DGAT2: variants seen among roughly 807,000 people sequenced by gnomAD.
DGAT2 encodes acyl-CoA retinol O-fatty-acyltransferase.
Under a neutral mutation model 48.4 loss-of-function variants are expected in DGAT2, and 33 were observed. That is an observed-to-expected ratio of 0.68 (90% CI 0.52 to 0.91). The LOEUF is 0.91. Ranked by LOEUF, DGAT2 falls within the 40% of genes least tolerant of loss-of-function variation. The pLI is 0.00. For synonymous variants in DGAT2, 191 were observed against 194.1 expected, an observed-to-expected ratio of 0.98 and a Z score of 0.13; for missense variants, 446 against 493.7, an observed-to-expected ratio of 0.90 and a Z score of 0.92.
At chr11:75,773,014 GA>G (rs1302367595) in intron 1 of DGAT2, among the ~76,000 whole-genome samples, 1 of 152,094 alleles carries the variant, frequency 6.6e-6, no homozygotes, top group East Asian at 1.9e-4. Flanking sequence ...AGAACAAACA[GA>G]AAAAGAATAT....
chr11:75,782,073 A>G (rs554114312), intron 1 of DGAT2, among the ~76,000 whole-genome samples: 1 of 152,050 alleles, frequency 6.6e-6, no homozygotes, highest in Non-Finnish European at 1.5e-5. Flanking sequence ...CCTCTTCCCT[A>G]CGCACCCCTC....
intron 2 of DGAT2, among the ~76,000 whole-genome samples, chr11:75,788,437 A>G (rs1944946363): frequency 6.6e-6 from 1 of 152,194 alleles, no homozygotes; most frequent in Admixed American, 6.5e-5. Flanking sequence ...CTGGTCCTGA[A>G]AAATTGGACA....
chr11:75,770,015 A>G (rs1944741799), intron 1 of DGAT2, among the ~76,000 whole-genome samples: 1 of 152,228 alleles, frequency 6.6e-6, no homozygotes, highest in African/African-American at 2.4e-5. Flanking sequence ...CTTGCTAATT[A>G]TGGAATTTTT....
chr11:75,790,378 T>C, intron 3 of DGAT2, 83 bp downstream of exon 3: 1 of 1,217,196 alleles, frequency 8.2e-7, no homozygotes, highest in Non-Finnish European at 1.2e-6. Context: ...TCATCCTGAG[T>C]GCTGTTTCTT....
intron 4 of DGAT2, chr11:75,792,522 T>C (rs1425440096): frequency 6.6e-6 from 1 of 151,672 alleles, no homozygotes; most frequent in Non-Finnish European, 1.5e-5. Flanking sequence ...CTCTTGCCAG[T>C]AATCATGTAA....
chr11:75,790,571 A>G, intron 3 of DGAT2, 90 bp from the exon 4 acceptor site: 2 of 1,220,690 alleles, frequency 1.6e-6, no homozygotes, highest in East Asian at 2.3e-5. Flanking sequence ...GGTGATGGTC[A>G]CCTGCTTGGG....
At chr11:75,769,715 G>A (rs949009093) in intron 1 of DGAT2, among the ~76,000 whole-genome samples, 2 of 152,082 alleles carry the variant, frequency 1.3e-5, no homozygotes, top group African/African-American at 2.4e-5. Flanking sequence ...CCCAAGCGAG[G>A]AATAGCAACT....
intron 4 of DGAT2, chr11:75,796,104 T>A: frequency 1.8e-6 from 1 of 568,122 alleles, no homozygotes; most frequent in South Asian, 2.0e-5. Context: ...AGGGCAAACA[T>A]TGCCCACCCC....
chr11:75,775,045 A>G lies in DGAT2; in HGVS notation c.121+5933A>G, dbSNP rs190822565. Among the ~76,000 whole-genome samples the G allele has an allele frequency of 1.0e-3, 152 of 152,294 alleles. 1 individual carries two copies. The highest frequency in any genetic ancestry group is 3.5e-3 in the African/African-American group (144 of 41,554). Reference sequence around the variant, plus strand: ...TGAAAGTTCTACTTGATGAAAACGGAATACACAAAAACCCAGGTGTATGGA... The same window carrying G: ...TGAAAGTTCTACTTGATGAAAACGGGATACACAAAAACCCAGGTGTATGGA... On this transcript the variant is annotated intron_variant, in intron 1 of 7. Transcript: ENST00000228027.
intron 2 of DGAT2, among the ~76,000 whole-genome samples, chr11:75,787,948 G>T (rs1376895932): frequency 1.3e-5 from 2 of 152,190 alleles, no homozygotes; most frequent in Non-Finnish European, 2.9e-5. Context: ...ACCCCATCAG[G>T]CCTCTTCTTC....
intron 1 of DGAT2, among the ~76,000 whole-genome samples, chr11:75,775,102 G>A (rs762336188): frequency 2.0e-5 from 3 of 152,156 alleles, no homozygotes; most frequent in African/African-American, 4.8e-5. Context: ...ATTCCCTTTC[G>A]GGAGATCTTC....
intron 1 of DGAT2, among the ~76,000 whole-genome samples, chr11:75,779,750 T>C (rs1481343062): frequency 6.6e-6 from 1 of 152,174 alleles, no homozygotes; most frequent in African/African-American, 2.4e-5. Context: ...AACAGAGACA[T>C]CTGTAGGTAG....
chr11:75,771,713 T>A (rs144487790), intron 1 of DGAT2, among the ~76,000 whole-genome samples: 2 of 152,158 alleles, frequency 1.3e-5, no homozygotes, highest in African/African-American at 4.8e-5. Flanking sequence ...CCCTCTCCAA[T>A]TCCGTGTGGC....
chr11:75,771,563 G>A (rs1944758024), intron 1 of DGAT2, among the ~76,000 whole-genome samples: 1 of 152,124 alleles, frequency 6.6e-6, no homozygotes, highest in Non-Finnish European at 1.5e-5. Flanking sequence ...AACAGGCTGG[G>A]GTGGGTGAGG....
Position 75,798,340 on chromosome 11 carries a change from G to A in DGAT2, c.923G>A (p.Gly308Asp). The A allele has an allele frequency of 6.2e-7, 1 of 1,614,152 alleles. No homozygotes were observed. The highest frequency in any genetic ancestry group is 8.5e-7 in the Non-Finnish European group (1 of 1,180,022). The stretch of plus-strand genomic sequence containing the variant: ...CAGAAGAAGTTCCAGAAATACATTG[G>A]TTTCGCCCCATGCATCTTCCATGGT... ...WVQKKFQKYI[G>D]FAPCIFHGRG... Residue 308 changes from glycine to aspartate, a missense_variant, in exon 7 of 8, where the codon GGT becomes GAT. Physicochemically the swap from Gly to Asp is moderately conservative, Grantham distance 94 (BLOSUM62 -1). Coordinates refer to ENST00000228027, the MANE Select transcript of DGAT2 (RefSeq NM_032564.5).
At chr11:75,787,900 C>A (rs1013539153) in intron 2 of DGAT2, among the ~76,000 whole-genome samples, 1 of 152,114 alleles carries the variant, frequency 6.6e-6, no homozygotes, top group Admixed American at 6.6e-5. Context: ...AGGGAGCCCC[C>A]AGCTGAGAAA....
At chr11:75,772,963 G>A (rs1281141525) in intron 1 of DGAT2, among the ~76,000 whole-genome samples, 4 of 152,134 alleles carry the variant, frequency 2.6e-5, no homozygotes, top group African/African-American at 7.2e-5. Flanking sequence ...GCACTCCAGC[G>A]TGGGTAACAG....
intron 7 of DGAT2, among the ~76,000 whole-genome samples, chr11:75,798,639 T>A (rs1361324928): frequency 6.6e-6 from 1 of 152,174 alleles, no homozygotes; most frequent in Non-Finnish European, 1.5e-5. Flanking sequence ...AACCAAGCTC[T>A]GTGATAAGTG....
chr11:75,780,282 C>T (rs1017186078), intron 1 of DGAT2, among the ~76,000 whole-genome samples: 1 of 152,216 alleles, frequency 6.6e-6, no homozygotes, highest in Non-Finnish European at 1.5e-5. Flanking sequence ...AGAGGAAGTA[C>T]TGACAGCCAG....
Sources: allele counts gnomAD v4.1 joint callset (sites outside exome capture counted in the v4.1 genomes callset), GRCh38; gene constraint gnomAD v4.1.1; transcripts MANE v1.5; gene names NCBI Gene and HGNC (gene_info 2026-07-23, HGNC 2026-07-21).